CDC23: variants seen among roughly 807,000 people sequenced by gnomAD.
The protein encoded by CDC23 is cell division cycle 23, also known as cell division cycle protein 23 homolog.
A neutral mutation model predicts 81.7 loss-of-function variants in CDC23; 26 were observed. That is an observed-to-expected ratio of 0.32 (90% confidence interval 0.23 to 0.44). CDC23 has a LOEUF of 0.44. Among genes scored for constraint, CDC23 ranks in the 20% least tolerant of loss-of-function variants. The pLI is 1.00. For missense variants in CDC23, 519 were observed against 728.0 expected (o/e 0.71, Z 3.30); for synonymous variants, 267 against 270.8 (o/e 0.99, Z 0.14).
chr5:138,213,075 A>G lies in CDC23; in HGVS notation c.162-12T>C. 6.2e-7 allele frequency: 1 copy of G among 1,614,016 alleles called. No homozygotes were observed. On this transcript the variant is annotated splice_polypyrimidine_tract_variant and intron_variant, in intron 1 of 15. Coordinates refer to ENST00000394886, the MANE Select transcript of CDC23 (RefSeq NM_004661.4). Reference sequence around the variant, plus strand: ...CCAACTCCGCCGACCTGGAACACCCACACAAACTAGATCAGCTCGACAAGC... The same window carrying G: ...CCAACTCCGCCGACCTGGAACACCCGCACAAACTAGATCAGCTCGACAAGC...
intron 9 of CDC23, among the ~76,000 whole-genome samples, chr5:138,193,643 A>C (rs1027633907): frequency 6.6e-6 from 1 of 151,330 alleles, no homozygotes; most frequent in African/African-American, 2.4e-5. Flanking sequence ...AAAAAAAAAA[A>C]CAGGTACCTC....
intron 9 of CDC23, among the ~76,000 whole-genome samples, chr5:138,195,184 T>C (rs1248535884): frequency 6.6e-6 from 1 of 151,910 alleles, no homozygotes; most frequent in Non-Finnish European, 1.5e-5. Context: ...AAGCAGCCCA[T>C]TAAACCTTGC....
rs1264228834 is a variant in CDC23, at chr5:138,188,709, A to C, written c.*269T>G. 3.7e-6 allele frequency: 1 copy of C among 269,488 alleles called. No individual in the cohort carries two copies. Among genetic ancestry groups the C allele is most frequent in the East Asian group, 6.8e-5 (1 of 14,626 alleles). 16.7% of individuals were successfully genotyped at this position (269,488 alleles called of 1,614,324 possible). On this transcript the variant is annotated 3_prime_UTR_variant, in exon 16 of 16. Coordinates refer to ENST00000394886, the MANE Select transcript of CDC23 (RefSeq NM_004661.4). The stretch of plus-strand genomic sequence containing the variant: ...GACTTTCTTGGGGGCCAAAAAAAAA[A>C]AGCATTCAGGGAAGAAGGCCAAGAT...
At position 138,187,814 on chromosome 5, in the gene CDC23, C is replaced by A. The variant is rs527541756; in HGVS notation, c.*1164G>T. The A allele has an allele frequency of 3.0e-5, 5 of 166,770 alleles. No homozygotes were observed. The highest frequency in any genetic ancestry group is 2.8e-4 in the Admixed American group (5 of 17,890). The allele number at this position is 166,770 out of a possible 1,614,324, so 10.3% of individuals were successfully genotyped here. On this transcript the variant is annotated 3_prime_UTR_variant, in exon 16 of 16. Transcript: ENST00000394886. Reference sequence around the variant, plus strand: ...CTAGTATACAGCTTGCCTGAGAAGGCTTAGTAACAAATGAATTCAAGTCGT... The same window carrying A: ...CTAGTATACAGCTTGCCTGAGAAGGATTAGTAACAAATGAATTCAAGTCGT...
intron 2 of CDC23, among the ~76,000 whole-genome samples, chr5:138,212,567 C>T (rs1755125675): frequency 1.3e-5 from 2 of 152,172 alleles, no homozygotes; most frequent in Non-Finnish European, 2.9e-5. Flanking sequence ...CCGCCCACCT[C>T]GGCCTCCTAA....
intron 2 of CDC23, among the ~76,000 whole-genome samples, chr5:138,207,255 A>G (rs1561637587): frequency 6.6e-6 from 1 of 152,236 alleles, no homozygotes; most frequent in Admixed American, 6.5e-5. Context: ...ACGAACACTC[A>G]TAAATGTGTA....
intron 9 of CDC23, 77 bp from the exon 10 acceptor site, chr5:138,192,734 C>A: frequency 3.7e-6 from 5 of 1,335,090 alleles, no homozygotes; most frequent in Non-Finnish European, 5.2e-6. Context: ...TAGCATTCCA[C>A]CAAATGGGCG....
intron 2 of CDC23, among the ~76,000 whole-genome samples, chr5:138,211,680 A>G (rs1755115202): frequency 6.6e-6 from 1 of 152,078 alleles, no homozygotes; most frequent in Non-Finnish European, 1.5e-5. Flanking sequence ...AAAAAGTAAA[A>G]TAAAATAAAA....
chr5:138,212,223 G>A (rs1755121190), intron 2 of CDC23, among the ~76,000 whole-genome samples: 2 of 152,122 alleles, frequency 1.3e-5, no homozygotes, highest in Admixed American at 1.3e-4. Flanking sequence ...GTTGCCAAAG[G>A]TCATTTGAAC....
At chr5:138,193,489 A>T (rs1754848460) in intron 9 of CDC23, among the ~76,000 whole-genome samples, 1 of 152,122 alleles carries the variant, frequency 6.6e-6, no homozygotes, top group East Asian at 1.9e-4. Context: ...CCAGCTACTC[A>T]GGAAGCTGAG....
Position 138,200,845 on chromosome 5 carries a change from T to C in CDC23, c.654+262A>G, listed in dbSNP as rs138966254. On this transcript the variant is annotated intron_variant, in intron 6 of 15. Transcript: ENST00000394886. ...AAACAAAAACAAAAACAAGTCACAATAGAACTGAAATGTGAAAACATGAAT... is the reference window on the plus strand; with the variant it reads ...AAACAAAAACAAAAACAAGTCACAACAGAACTGAAATGTGAAAACATGAAT... 682 of 407,314 alleles carry C rather than the reference T, an allele frequency of 1.7e-3. 3 individuals carry two copies. Among genetic ancestry groups the C allele is most frequent in the African/African-American group, 0.013 (607 of 48,060 alleles). 25.2% of individuals were successfully genotyped at this position (407,314 alleles called of 1,614,324 possible).
intron 9 of CDC23, among the ~76,000 whole-genome samples, chr5:138,196,292 TTGA>T (rs1303679491): frequency 2.2e-4 from 34 of 151,870 alleles, no homozygotes; most frequent in Admixed American, 1.5e-3. Context: ...CTCATATATA[TTGA>T]TTTTTTTTTT....
intron 6 of CDC23, 61 bp from the exon 7 acceptor site, chr5:138,198,843 T>C: frequency 1.3e-6 from 2 of 1,507,330 alleles, no homozygotes; most frequent in Non-Finnish European, 1.8e-6. Context: ...CAAACAAACA[T>C]CCAGGAACTA....
chr5:138,197,306 A>G (rs1754925097), intron 9 of CDC23, among the ~76,000 whole-genome samples: 1 of 143,496 alleles, frequency 7.0e-6, no homozygotes, highest in African/African-American at 2.6e-5. Context: ...TCTGTCACCA[A>G]AAAAAAAAAA....
At chr5:138,206,153 T>G (rs1472445553) in intron 3 of CDC23, 1 of 263,700 alleles carries the variant, frequency 3.8e-6, no homozygotes, top group African/African-American at 2.2e-5. Context: ...ACTTGCATTG[T>G]CCTTTACAGT....
intron 13 of CDC23, 79 bp from the exon 14 acceptor site, chr5:138,189,985 C>A (rs1754808032): frequency 1.4e-5 from 17 of 1,181,298 alleles, no homozygotes; most frequent in Middle Eastern, 3.9e-4. Context: ...GTACATAAGA[C>A]CAAAAAAAAC....
chr5:138,213,001 G>A lies in CDC23; in HGVS notation c.224C>T (p.Pro75Leu). 1.9e-6 allele frequency: 3 copies of A among 1,613,798 alleles called. No homozygotes were observed. The highest frequency in any genetic ancestry group is 2.5e-6 in the Non-Finnish European group (3 of 1,179,830). The change falls in exon 2 of 16, where the codon CCT becomes CTT. Residue 75 changes from proline (P) to leucine (L), a missense_variant. This residue lies in a region of CDC23 where 126 missense variants were observed against 116.2 expected (regional missense o/e 1.08). Transcript: ENST00000394886. ...LPLAELQPPP[P>L]ITEEDAQDMD... is the part of the protein sequence containing the mutation. ...TAAACATGTCCTTACCTCTGTAATAGGCGGAGGCGGTTGCAGCTCGGCCAG... is the reference window on the plus strand; with the variant it reads ...TAAACATGTCCTTACCTCTGTAATAAGCGGAGGCGGTTGCAGCTCGGCCAG...
At chr5:138,209,655 T>C (rs1017225704) in intron 2 of CDC23, among the ~76,000 whole-genome samples, 1 of 151,042 alleles carries the variant, frequency 6.6e-6, no homozygotes, top group Non-Finnish European at 1.5e-5. Context: ...TGAAACCTCG[T>C]CTCTGTTAAA....
At chr5:138,198,164 T>A (rs763694648) in intron 9 of CDC23, 35 bp downstream of exon 9, 3 of 1,451,838 alleles carry the variant, frequency 2.1e-6, no homozygotes, top group Non-Finnish European at 1.9e-6. Context: ...ATAATAAATA[T>A]AAATCTTAAA....
Sources: gnomAD v4.1 joint callset for allele counts (sites outside exome capture counted in the v4.1 genomes callset) on GRCh38, gnomAD v4.1.1 for gene constraint, gnomAD v4.1.1 regional missense constraint, MANE v1.5 for transcripts, NCBI Gene and HGNC (gene_info 2026-07-23, HGNC 2026-07-21) for gene names.